Variants in CWF19L1 observed in about 807,000 individuals in gnomAD.
CWF19L1 encodes CWF19-like protein 1.
In CWF19L1, 60 loss-of-function variants were observed where a neutral mutation model predicts 69.7. The ratio of observed to expected loss-of-function variants is 0.86; its 90% CI spans 0.70 to 1.07. The LOEUF (loss-of-function observed/expected upper bound fraction) is 1.07, where lower values mean the gene tolerates loss of function less well. CWF19L1 is among the 50% of genes least tolerant of loss of function. The pLI is 0.00. For missense variants in CWF19L1, 591 were observed against 638.9 expected (o/e 0.92, Z 0.81); for synonymous variants, 209 against 222.2 (o/e 0.94, Z 0.53).
At chr10:100,243,805 C>T (rs1221624910) in intron 9 of CWF19L1, 28 bp from the exon 10 acceptor site, 4 of 1,588,606 alleles carry the variant, frequency 2.5e-6, no homozygotes, top group Admixed American at 1.7e-5. Context: ...CCAGGTGTTA[C>T]TATGGTCCAA....
intron 5 of CWF19L1, 46 bp downstream of exon 5, chr10:100,256,216 A>G: frequency 7.0e-7 from 1 of 1,430,370 alleles, no homozygotes; most frequent in Non-Finnish European, 9.9e-7. Context: ...AACTCAAGCC[A>G]GTGCAATTTG....
In CWF19L1 at chr10:100,267,587, G is replaced by C. The variant is rs1418674156; in HGVS notation, c.7C>G (p.Gln3Glu). 1 of 1,614,204 alleles carries C rather than the reference G, an allele frequency of 6.2e-7. No individual in the cohort carries two copies. The highest frequency in any genetic ancestry group is 8.5e-7 in the Non-Finnish European group (1 of 1,180,038). Residue 3 changes from glutamine (Q) to glutamate (E), a missense_variant, in exon 1 of 14, where the codon CAG becomes GAG. Gln to Glu is a conservative substitution (Grantham distance 29). Coordinates refer to ENST00000354105, the MANE Select transcript of CWF19L1 (RefSeq NM_018294.6). MA[Q>E]KPLRLLACGD... ...GTCACTCACAGGCGCAGCGGTTTCTGTGCCATCTGTCCGAATAGTATGGGT... is the reference window on the plus strand; with the variant it reads ...GTCACTCACAGGCGCAGCGGTTTCTCTGCCATCTGTCCGAATAGTATGGGT...
chr10:100,256,603 C>T (rs1847221863), intron 4 of CWF19L1, 127 bp from the exon 5 acceptor site: 5 of 688,650 alleles, frequency 7.3e-6, no homozygotes, highest in Non-Finnish European at 1.3e-5. Flanking sequence ...TGTAAACTCT[C>T]CAGCAGCTCC....
At chr10:100,253,713 T>C (rs1249072422) in intron 5 of CWF19L1, 174 bp from the exon 6 acceptor site, 1 of 532,012 alleles carries the variant, frequency 1.9e-6, no homozygotes, top group East Asian at 3.1e-5. Context: ...TCTTAACAAA[T>C]AAGGGAGCTG....
chr10:100,245,969 A>G, intron 8 of CWF19L1, 56 bp from the exon 9 acceptor site: 1 of 1,248,504 alleles, frequency 8.0e-7, no homozygotes, highest in Non-Finnish European at 1.2e-6. Context: ...TTAGATAAGT[A>G]GCCGACCACT....
intron 8 of CWF19L1, among the ~76,000 whole-genome samples, chr10:100,246,273 T>G (rs1480106881): frequency 3.3e-5 from 5 of 152,324 alleles, no homozygotes; most frequent in Middle Eastern, 3.4e-3. Context: ...ACAAGCCTAA[T>G]TCAGCCTTAA....
chr10:100,256,973 T>C (rs192816212), intron 4 of CWF19L1, among the ~76,000 whole-genome samples: 13 of 152,328 alleles, frequency 8.5e-5, no homozygotes, highest in Admixed American at 7.2e-4. Context: ...TCCCAGCTAC[T>C]TGGAGGCAGG....
At chr10:100,262,425 CCTT>C (rs1847436496) in intron 1 of CWF19L1, 7 of 985,276 alleles carry the variant, frequency 7.1e-6, no homozygotes, top group Non-Finnish European at 7.2e-6. Flanking sequence ...TTCATTCTAT[CCTT>C]CTTATTTTGA....
chr10:100,260,979 A>C lies in CWF19L1; in HGVS notation c.174T>G (p.Thr58=). 6.2e-7 allele frequency: 1 copy of C among 1,603,474 alleles called. No homozygotes were observed. Among genetic ancestry groups the C allele is most frequent in the Non-Finnish European group, 8.5e-7 (1 of 1,173,234 alleles). Residue 58 remains threonine (T), a synonymous_variant, in exon 3 of 14, where the codon ACT becomes ACG. Coordinates refer to ENST00000354105, the MANE Select transcript of CWF19L1 (RefSeq NM_018294.6). ...TQDAEWEEYK[T]GIKKAPIQTY... is the part of the protein sequence containing the mutation. Reference sequence around the variant, plus strand: ...TAATTTCTATACCTTTCTTGATGCCAGTCTTATACTCCTCCCATTCAGCAT... The same window carrying C: ...TAATTTCTATACCTTTCTTGATGCCCGTCTTATACTCCTCCCATTCAGCAT...
chr10:100,252,920 T>G (rs11190437), intron 6 of CWF19L1, among the ~76,000 whole-genome samples: 11,208 of 152,250 alleles, frequency 0.074, 719 homozygotes, highest in African/African-American at 0.17. Flanking sequence ...TATTTTTTAT[T>G]GTATACAACA....
chr10:100,248,319 G>A (rs1846898889), intron 7 of CWF19L1: 1 of 1,323,560 alleles, frequency 7.6e-7, no homozygotes, highest in South Asian at 1.2e-5. Flanking sequence ...AGCTGTTGCA[G>A]GAGACGTGGT....
intron 7 of CWF19L1, chr10:100,250,026 AT>A (rs1164403595): frequency 3.6e-6 from 2 of 553,204 alleles, no homozygotes; most frequent in Non-Finnish European, 6.4e-6. Flanking sequence ...TTTTGCCTTT[AT>A]TCCTCTGGGC....
At chr10:100,260,540 T>G (rs79597663) in intron 3 of CWF19L1, among the ~76,000 whole-genome samples, 1 of 151,654 alleles carries the variant, frequency 6.6e-6, no homozygotes, top group Non-Finnish European at 1.5e-5. Context: ...TTTTTTTTTT[T>G]GAGACAGAGC....
chr10:100,246,086 T>C (rs955332480), intron 8 of CWF19L1, 173 bp from the exon 9 acceptor site: 3 of 558,286 alleles, frequency 5.4e-6, no homozygotes, highest in Non-Finnish European at 6.4e-6. Flanking sequence ...GCCTGAAGTC[T>C]CAGTCATACA....
intron 4 of CWF19L1, among the ~76,000 whole-genome samples, chr10:100,257,938 A>T (rs1312338122): frequency 1.3e-5 from 2 of 151,932 alleles, no homozygotes; most frequent in Non-Finnish European, 2.9e-5. Context: ...CAACACTGAT[A>T]CTCTAGAAAG....
chr10:100,261,087 T>C, intron 2 of CWF19L1, 43 bp from the exon 3 acceptor site: 2 of 1,289,210 alleles, frequency 1.6e-6, no homozygotes, highest in Non-Finnish European at 2.2e-6. Flanking sequence ...TTTTAAAATA[T>C]CAAACAGTAC....
At chr10:100,249,110 G>C (rs1373287663) in intron 7 of CWF19L1, 1 of 484,324 alleles carries the variant, frequency 2.1e-6, no homozygotes, top group Non-Finnish European at 3.8e-6. Context: ...GGCCAACTGG[G>C]CCACAGCCCT....
intron 10 of CWF19L1, among the ~76,000 whole-genome samples, chr10:100,240,293 A>G (rs1564851315): frequency 6.6e-6 from 1 of 152,238 alleles, no homozygotes; most frequent in Non-Finnish European, 1.5e-5. Context: ...CCATCAGCAC[A>G]ATTCTATGTA....
chr10:100,245,929 G>C lies in CWF19L1; in HGVS notation c.850-16C>G. ...CTGATTCTTCCTGGAATGGCCAAAA[G>C]CAGAAGATTAAATGTTATTCAACTA... On this transcript the variant is annotated splice_polypyrimidine_tract_variant and intron_variant, in intron 8 of 13. Transcript: ENST00000354105. 2 of 1,578,958 alleles carry C rather than the reference G, an allele frequency of 1.3e-6. No individual in the cohort carries two copies. The highest frequency in any genetic ancestry group is 2.2e-5 in the South Asian group (2 of 90,372).
Sources: gnomAD v4.1 joint callset for allele counts (sites outside exome capture counted in the v4.1 genomes callset) on GRCh38, gnomAD v4.1.1 for gene constraint, MANE v1.5 for transcripts, NCBI Gene and HGNC (gene_info 2026-07-23, HGNC 2026-07-21) for gene names.